KIAA1958: variants seen among roughly 807,000 people sequenced by gnomAD.
KIAA1958 encodes KIAA1958.
KIAA1958 carries 14 observed loss-of-function variants against 47.2 expected under a neutral mutation model. The observed-to-expected ratio is 0.30, with a 90% CI of 0.20 to 0.46. The LOEUF is 0.46. Ranked by LOEUF, KIAA1958 falls within the 20% of genes least tolerant of loss-of-function variation. KIAA1958 has a pLI of 1.00. For synonymous variants in KIAA1958, 354 were observed against 353.3 expected, an observed-to-expected ratio of 1.00 and a Z score of -0.02; for missense variants, 803 against 909.2, an observed-to-expected ratio of 0.88 and a Z score of 1.50.
At chr9:112,565,341 CAA>C (rs1252930708) in intron 1 of KIAA1958, among the ~76,000 whole-genome samples, 2 of 152,246 alleles carry the variant, frequency 1.3e-5, no homozygotes, top group African/African-American at 4.8e-5. Context: ...TGGGCTCAAA[CAA>C]TCCTCCTTCT....
intron 2 of KIAA1958, among the ~76,000 whole-genome samples, chr9:112,640,195 C>G (rs1351325410): frequency 6.6e-6 from 1 of 152,172 alleles, no homozygotes; most frequent in Non-Finnish European, 1.5e-5. Flanking sequence ...CTAGCCAGCA[C>G]GTAAGGTGGG....
chr9:112,659,563 G>C lies in KIAA1958; in HGVS notation c.1645G>C (p.Asp549His). The C allele has an allele frequency of 6.2e-7, 1 of 1,613,090 alleles. No individual in the cohort carries two copies. The highest frequency in any genetic ancestry group is 8.5e-7 in the Non-Finnish European group (1 of 1,179,562). ...EEMWQAGCLG[D>H]DSPITLLSTV... ...GATGTGGCAGGCAGGGTGTCTGGGG[G>C]ATGACAGCCCTATCACTCTCCTGTC... The change falls in exon 4 of 4, where the codon GAT becomes CAT. Residue 549 changes from aspartate (D) to histidine (H), a missense_variant. Coordinates refer to ENST00000337530, the MANE Select transcript of KIAA1958 (RefSeq NM_133465.4).
At chr9:112,622,312 T>C (rs1372984996) in intron 2 of KIAA1958, among the ~76,000 whole-genome samples, 1 of 152,226 alleles carries the variant, frequency 6.6e-6, no homozygotes, top group African/African-American at 2.4e-5. Flanking sequence ...AAGATCAATG[T>C]AATGTCATGT....
intron 2 of KIAA1958, among the ~76,000 whole-genome samples, chr9:112,592,676 T>A (rs1002506208): frequency 6.6e-6 from 1 of 152,228 alleles, no homozygotes; most frequent in Non-Finnish European, 1.5e-5. Flanking sequence ...TTATTTGTCA[T>A]CCTGGTTCAG....
At chr9:112,569,800 T>C (rs987737376) in intron 1 of KIAA1958, among the ~76,000 whole-genome samples, 1 of 151,996 alleles carries the variant, frequency 6.6e-6, no homozygotes, top group African/African-American at 2.4e-5. Context: ...TTTTTTGTAT[T>C]TTTAGTAGAA....
intron 1 of KIAA1958, among the ~76,000 whole-genome samples, chr9:112,512,199 C>A (rs1401444663): frequency 6.6e-6 from 1 of 152,132 alleles, no homozygotes; most frequent in Non-Finnish European, 1.5e-5. Context: ...ACCAGGCAAG[C>A]ATATTACAAG....
intron 2 of KIAA1958, among the ~76,000 whole-genome samples, chr9:112,599,408 G>A (rs149520239): frequency 1.3e-5 from 2 of 152,252 alleles, no homozygotes; most frequent in Non-Finnish European, 2.9e-5. Flanking sequence ...GAAGTGAAAT[G>A]CAGTCATAGT....
intron 3 of KIAA1958, among the ~76,000 whole-genome samples, chr9:112,654,102 G>A (rs1452131837): frequency 3.9e-5 from 6 of 152,116 alleles, no homozygotes; most frequent in Non-Finnish European, 7.4e-5. Flanking sequence ...ACAGGGAGGG[G>A]AATCGTAGCT....
chr9:112,657,485 A>G (rs748795099), intron 3 of KIAA1958, among the ~76,000 whole-genome samples: 37 of 152,190 alleles, frequency 2.4e-4, no homozygotes, highest in Admixed American at 9.2e-4. Context: ...TAACAATGTC[A>G]TTCAAAACTA....
chr9:112,636,166 CTTA>C (rs909054340), intron 2 of KIAA1958, among the ~76,000 whole-genome samples: 11 of 147,616 alleles, frequency 7.5e-5, no homozygotes, highest in East Asian at 2.0e-4. Flanking sequence ...AAATAATATA[CTTA>C]TTATTATTTA....
At chr9:112,567,716 T>G (rs931030895) in intron 1 of KIAA1958, among the ~76,000 whole-genome samples, 10 of 152,094 alleles carry the variant, frequency 6.6e-5, no homozygotes, top group African/African-American at 2.4e-4. Context: ...CCCAGCACTT[T>G]GGGAGGCCGA....
Position 112,634,444 on chromosome 9 carries a change from T to C in KIAA1958, c.1172-11206T>C, listed in dbSNP as rs563432062. Among the ~76,000 whole-genome samples, 16 of 152,310 alleles carry C rather than the reference T, an allele frequency of 1.1e-4. No homozygotes were observed. In the South Asian group the frequency reaches 3.3e-3, roughly 32 times the overall value. ...CGGGGTTTCACCATATTAGCCAGGC[T>C]GGTCTTGAACTCCTGACCTCAAGTG... On this transcript the variant is annotated intron_variant, in intron 2 of 3. Transcript: ENST00000337530.
intron 1 of KIAA1958, among the ~76,000 whole-genome samples, chr9:112,560,907 T>C (rs934783524): frequency 2.6e-5 from 4 of 152,190 alleles, no homozygotes; most frequent in Admixed American, 2.0e-4. Context: ...CTTTTCTCTC[T>C]GTCTGTCCCC....
intron 2 of KIAA1958, among the ~76,000 whole-genome samples, chr9:112,608,491 T>C (rs1368761989): frequency 6.6e-6 from 1 of 152,152 alleles, no homozygotes; most frequent in Non-Finnish European, 1.5e-5. Flanking sequence ...ATATGCTGTA[T>C]AAAAATAGAG....
intron 1 of KIAA1958, among the ~76,000 whole-genome samples, chr9:112,555,213 A>G (rs1588016023): frequency 6.6e-6 from 1 of 152,202 alleles, no homozygotes; most frequent in Non-Finnish European, 1.5e-5. Context: ...TGCTTGTTCC[A>G]TCTCCTGGGC....
At chr9:112,639,556 C>T (rs957731907) in intron 2 of KIAA1958, among the ~76,000 whole-genome samples, 1 of 152,196 alleles carries the variant, frequency 6.6e-6, no homozygotes, top group African/African-American at 2.4e-5. Flanking sequence ...GGCCTCTCCC[C>T]ATGCCTCCCC....
chr9:112,504,601 G>C (rs1834203189), intron 1 of KIAA1958, among the ~76,000 whole-genome samples: 1 of 152,104 alleles, frequency 6.6e-6, no homozygotes, highest in African/African-American at 2.4e-5. Flanking sequence ...CATTTAATCT[G>C]AGGTTATCCA....
At chr9:112,609,498 CTT>C (rs1357618455) in intron 2 of KIAA1958, among the ~76,000 whole-genome samples, 2 of 152,090 alleles carry the variant, frequency 1.3e-5, no homozygotes, top group Non-Finnish European at 2.9e-5. Flanking sequence ...AAAATTGAAA[CTT>C]GAATTACAGA....
At chr9:112,571,042 T>G (rs1189103759) in intron 1 of KIAA1958, among the ~76,000 whole-genome samples, 1 of 152,170 alleles carries the variant, frequency 6.6e-6, no homozygotes. Context: ...TCACCTTCTG[T>G]ATTTGTTCTG....
Sources: allele counts gnomAD v4.1 joint callset (sites outside exome capture counted in the v4.1 genomes callset), GRCh38; gene constraint gnomAD v4.1.1; transcripts MANE v1.5; gene names NCBI Gene and HGNC (gene_info 2026-07-23, HGNC 2026-07-21).